ADRA1A: variants seen among roughly 807,000 people sequenced by gnomAD.
The protein encoded by ADRA1A is adrenoceptor alpha 1A.
Under a neutral mutation model 29.6 loss-of-function variants are expected in ADRA1A, and 31 were observed. The observed-to-expected ratio is 1.05, with a 90% CI of 0.79 to 1.41. ADRA1A has a LOEUF of 1.41. Ranked by LOEUF, ADRA1A falls within the 40% of genes most tolerant of loss-of-function variation. The pLI, the probability that ADRA1A is intolerant of heterozygous loss-of-function variation, is 0.00. For missense variants in ADRA1A, 619 were observed against 601.1 expected (o/e 1.03, Z -0.31); for synonymous variants, 311 against 254.3 (o/e 1.22, Z -2.12).
downstream of ADRA1A, among the ~76,000 whole-genome samples, chr8:26,761,439 G>A (rs1805497218): frequency 6.6e-6 from 1 of 152,192 alleles, no homozygotes; most frequent in Non-Finnish European, 1.5e-5. Context: ...CGGCGATAGT[G>A]CCTTTTAAGG....
chr8:26,784,202 C>T (rs1807209300), intron 2 of ADRA1A, among the ~76,000 whole-genome samples: 1 of 152,184 alleles, frequency 6.6e-6, no homozygotes, highest in African/African-American at 2.4e-5. Context: ...GAAAAATAGT[C>T]AAACAAAGAA....
At chr8:26,808,663 A>G (rs953974407) in intron 2 of ADRA1A, among the ~76,000 whole-genome samples, 1 of 152,352 alleles carries the variant, frequency 6.6e-6, no homozygotes, top group African/African-American at 2.4e-5. Context: ...CCTAGTGAAA[A>G]GTATACACTG....
At chr8:26,750,938 G>A (rs1270070006) in intron 2 of ADRA1A, among the ~76,000 whole-genome samples, 1 of 152,112 alleles carries the variant, frequency 6.6e-6, no homozygotes, top group Non-Finnish European at 1.5e-5. Flanking sequence ...GTGCGGTGGC[G>A]CATGCCTGTA....
downstream of ADRA1A, among the ~76,000 whole-genome samples, chr8:26,768,331 C>T (rs1407380068): frequency 6.6e-6 from 1 of 152,194 alleles, no homozygotes; most frequent in Admixed American, 6.5e-5. Flanking sequence ...AGAGGCCAGG[C>T]AAATGGTCTT....
At chr8:26,797,403 C>A (rs916151406) in intron 2 of ADRA1A, among the ~76,000 whole-genome samples, 1 of 151,934 alleles carries the variant, frequency 6.6e-6, no homozygotes, top group African/African-American at 2.4e-5. Context: ...CTTAAGCAAT[C>A]CCCCTGACTT....
intron 2 of ADRA1A, among the ~76,000 whole-genome samples, chr8:26,777,386 T>C (rs1303482728): frequency 6.6e-6 from 1 of 152,160 alleles, no homozygotes; most frequent in Non-Finnish European, 1.5e-5. Flanking sequence ...CGCAGTGCTC[T>C]CTGGTGATGG....
chr8:26,811,741 C>G (rs913107045), intron 2 of ADRA1A, among the ~76,000 whole-genome samples: 3 of 152,196 alleles, frequency 2.0e-5, no homozygotes, highest in Admixed American at 6.5e-5. Flanking sequence ...CTCATGCTCC[C>G]TCCCTATAAA....
chr8:26,784,682 G>A (rs138204438), intron 2 of ADRA1A, among the ~76,000 whole-genome samples: 1 of 152,348 alleles, frequency 6.6e-6, no homozygotes, highest in African/African-American at 2.4e-5. Flanking sequence ...GTGTTAGCAA[G>A]TGACTGCCTT....
chr8:26,856,327 A>G (rs1321125140), intron 2 of ADRA1A, among the ~76,000 whole-genome samples: 2 of 152,220 alleles, frequency 1.3e-5, no homozygotes, highest in Non-Finnish European at 2.9e-5. Flanking sequence ...TCCTGCATAA[A>G]GGTCTCCCAA....
At chr8:26,795,923 C>G (rs1356807692) in intron 2 of ADRA1A, among the ~76,000 whole-genome samples, 1 of 151,946 alleles carries the variant, frequency 6.6e-6, no homozygotes, top group East Asian at 1.9e-4. Context: ...ACTTATAAAC[C>G]ATTCATACTA....
chr8:26,779,173 A>T (rs566126313), intron 2 of ADRA1A: 1 of 612,852 alleles, frequency 1.6e-6, no homozygotes, highest in African/African-American at 1.8e-5. Flanking sequence ...AGACCAGGTT[A>T]TCTCTCTCAC....
At chr8:26,789,119 A>G (rs1281006111) in intron 2 of ADRA1A, among the ~76,000 whole-genome samples, 1 of 151,154 alleles carries the variant, frequency 6.6e-6, no homozygotes, top group Non-Finnish European at 1.5e-5. Flanking sequence ...CACCCCTGAC[A>G]GGCCTCCAGG....
chr8:26,777,304 A>G (rs1023128748), intron 2 of ADRA1A, among the ~76,000 whole-genome samples: 2 of 152,186 alleles, frequency 1.3e-5, no homozygotes, highest in Non-Finnish European at 2.9e-5. Flanking sequence ...CAGACTTCCC[A>G]TGACTGACAT....
chr8:26,798,069 C>T (rs139471318), intron 2 of ADRA1A, among the ~76,000 whole-genome samples: 2,915 of 152,244 alleles, frequency 0.019, 38 homozygotes, highest in Middle Eastern at 0.041. Flanking sequence ...ACCTCCGCCT[C>T]CCAGGCTCAA....
At chr8:26,788,848 A>G (rs1807599286) in intron 2 of ADRA1A, among the ~76,000 whole-genome samples, 1 of 152,142 alleles carries the variant, frequency 6.6e-6, no homozygotes, top group Non-Finnish European at 1.5e-5. Context: ...TTATTGCCAA[A>G]TTTTCACTGG....
chr8:26,779,082 G>A (rs937795337), intron 2 of ADRA1A: 4 of 478,578 alleles, frequency 8.4e-6, no homozygotes, highest in Non-Finnish European at 1.5e-5. Context: ...ACATATCACA[G>A]TTTTTAAGTT....
chr8:26,850,495 T>C (rs1350204757), intron 2 of ADRA1A, among the ~76,000 whole-genome samples: 1 of 145,954 alleles, frequency 6.9e-6, no homozygotes, highest in Admixed American at 6.7e-5. Flanking sequence ...TGCTTATATC[T>C]TTTTTGTTGT....
chr8:26,849,473 A>G (rs1212236537), intron 2 of ADRA1A, among the ~76,000 whole-genome samples: 1 of 152,220 alleles, frequency 6.6e-6, no homozygotes, highest in Non-Finnish European at 1.5e-5. Flanking sequence ...CCAAACAGAC[A>G]AGAGAAACAG....
chr8:26,864,865 G>GC lies in ADRA1A; in HGVS notation c.104dup (p.Leu36ProfsTer9). 2.5e-6 allele frequency: 4 copies of GC among 1,614,068 alleles called. No homozygotes were observed. The highest frequency in any genetic ancestry group is 3.4e-6 in the Non-Finnish European group (4 of 1,180,022). On this transcript the variant is annotated frameshift_variant, in exon 2 of 3. Transcript: ENST00000380573. LOFTEE classifies it high-confidence loss of function. The surrounding 1 kb of genome is among the most constrained non-coding windows in gnomAD (Gnocchi z 8.1). The stretch of plus-strand genomic sequence containing the variant: ...TACCCAGCACCCCGAAAAGAATGAG[G>GC]CCCCCCAAGATCACCCCGAGCAGAA...
Sources: gnomAD v4.1 joint callset for allele counts (sites outside exome capture counted in the v4.1 genomes callset) on GRCh38, gnomAD v4.1.1 for gene constraint, Gnocchi (gnomAD v3.1) non-coding constraint, MANE v1.5 for transcripts, NCBI Gene and HGNC (gene_info 2026-07-23, HGNC 2026-07-21) for gene names.